The following MRS2 variants were observed in gnomAD, a reference collection of about 807,000 sequenced individuals.
MRS2 encodes magnesium transporter MRS2 homolog, mitochondrial.
Under a neutral mutation model 52.6 loss-of-function variants are expected in MRS2, and 40 were observed. That is an observed-to-expected ratio of 0.76 (90% CI 0.59 to 0.99). The LOEUF (loss-of-function observed/expected upper bound fraction) is 0.99, where lower values mean the gene tolerates loss of function less well. Among genes scored for constraint, MRS2 ranks in the 50% least tolerant of loss-of-function variants. The pLI, the probability that MRS2 is intolerant of heterozygous loss-of-function variation, is 0.00. For missense variants in MRS2, 472 were observed against 532.7 expected (o/e 0.89, Z 1.12); for synonymous variants, 193 against 195.9 (o/e 0.98, Z 0.13).
chr6:24,418,453 C>T lies in MRS2; in HGVS notation c.990-8C>T. 1 of 1,613,756 alleles carries T rather than the reference C, an allele frequency of 6.2e-7. No individual in the cohort carries two copies. The highest frequency in any genetic ancestry group is 8.5e-7 in the Non-Finnish European group (1 of 1,179,956). On this transcript the variant is annotated splice_region_variant and splice_polypyrimidine_tract_variant and intron_variant, in intron 8 of 10. Transcript: ENST00000378386. ...CCTTCTAATCTGAATAGGTGTTCTC[C>T]TCTCCAGCCACCGAAACGTGATGAT...
chr6:24,408,554 G>A, intron 3 of MRS2, 110 bp downstream of exon 3: 1 of 753,698 alleles, frequency 1.3e-6, no homozygotes, highest in Non-Finnish European at 2.3e-6. Flanking sequence ...ATACAGGTGT[G>A]TTGAAAGAGA....
chr6:24,422,807 T>TG (rs1762092237), intron 9 of MRS2, 130 bp from the exon 10 acceptor site: 4 of 537,044 alleles, frequency 7.4e-6, no homozygotes, highest in Middle Eastern at 5.2e-4. Flanking sequence ...CTTGTTTTTC[T>TG]TAGTTCCTTT....
chr6:24,409,295 G>T (rs945854788), intron 3 of MRS2, among the ~76,000 whole-genome samples, 166 bp from the exon 4 acceptor site: 1 of 152,162 alleles, frequency 6.6e-6, no homozygotes, highest in Non-Finnish European at 1.5e-5. Context: ...TATTTAGCCC[G>T]AGTATGTTTT....
At chr6:24,423,556 C>G (rs199504969) in intron 10 of MRS2, 28 bp from the exon 11 acceptor site, 1 of 1,331,264 alleles carries the variant, frequency 7.5e-7, no homozygotes, top group Non-Finnish European at 1.1e-6. Flanking sequence ...AAAAAAGATA[C>G]TAAAATTAAT....
intron 2 of MRS2, among the ~76,000 whole-genome samples, chr6:24,408,123 T>C (rs1761534605): frequency 2.0e-5 from 3 of 152,182 alleles, no homozygotes; most frequent in South Asian, 4.2e-4. Flanking sequence ...GATTGTTACC[T>C]AGTAACAACA....
At chr6:24,416,328 A>G in intron 6 of MRS2, 69 bp from the exon 7 acceptor site, 1 of 691,414 alleles carries the variant, frequency 1.4e-6, no homozygotes, top group Non-Finnish European at 2.6e-6. Flanking sequence ...AGATACTCTA[A>G]AAACACTATT....
At chr6:24,420,521 G>A (rs1170915970) in intron 9 of MRS2, among the ~76,000 whole-genome samples, 1 of 152,148 alleles carries the variant, frequency 6.6e-6, no homozygotes, top group Non-Finnish European at 1.5e-5. Flanking sequence ...CACTGCTTTA[G>A]GCCCATTTAG....
Position 24,405,229 on chromosome 6 carries a change from A to G in MRS2, c.252A>G (p.Pro84=), listed in dbSNP as rs1305239234. Residue 84 remains proline (P), a synonymous_variant, in exon 2 of 11, where the codon CCA becomes CCG. Transcript: ENST00000378386. ...AAGCCACTTTAGCCAGTGTAGCCCC[A>G]GTATTTACTGTGGTGAGTATGTACA... ...VSQATLASVA[P]VFTVTKFDKQ... 3.7e-6 allele frequency: 6 copies of G among 1,613,100 alleles called. No homozygotes were observed. In the African/African-American group the frequency reaches 6.7e-5, roughly 18 times the overall value.
At chr6:24,403,780 C>A (rs1370749849) in intron 1 of MRS2, among the ~76,000 whole-genome samples, 1 of 152,090 alleles carries the variant, frequency 6.6e-6, no homozygotes, top group African/African-American at 2.4e-5. Context: ...ATTAATACTT[C>A]CCTGTTTTCT....
At chr6:24,406,061 T>A (rs1023017409) in intron 2 of MRS2, among the ~76,000 whole-genome samples, 7 of 143,208 alleles carry the variant, frequency 4.9e-5, no homozygotes, top group Non-Finnish European at 1.0e-4. Flanking sequence ...GCCTGGATCA[T>A]GCCACTGCAC....
At chr6:24,411,406 T>C (rs1010772651) in intron 4 of MRS2, among the ~76,000 whole-genome samples, 1 of 152,222 alleles carries the variant, frequency 6.6e-6, no homozygotes, top group African/African-American at 2.4e-5. Context: ...TTTGTTTATA[T>C]GCTTTAGTGG....
At chr6:24,419,869 T>C (rs1761984189) in intron 9 of MRS2, among the ~76,000 whole-genome samples, 1 of 152,180 alleles carries the variant, frequency 6.6e-6, no homozygotes, top group African/African-American at 2.4e-5. Context: ...CTGACTGTGT[T>C]TTCACAGAAT....
At chr6:24,415,196 G>T in intron 6 of MRS2, 33 bp downstream of exon 6, 1 of 1,489,178 alleles carries the variant, frequency 6.7e-7, no homozygotes, top group East Asian at 2.3e-5. Flanking sequence ...ATTGGGAGTT[G>T]GAGACAAATA....
intron 10 of MRS2, 175 bp from the exon 11 acceptor site, chr6:24,423,407 GAT>G (rs1303770608): frequency 2.0e-6 from 1 of 491,848 alleles, no homozygotes; most frequent in African/African-American, 1.9e-5. Context: ...GTTCTTAAAA[GAT>G]AGAAAATTCA....
intron 9 of MRS2, among the ~76,000 whole-genome samples, chr6:24,419,904 T>G (rs895203537): frequency 6.6e-6 from 1 of 152,218 alleles, no homozygotes; most frequent in Non-Finnish European, 1.5e-5. Context: ...TTTCTAGAAC[T>G]GAACCTGGAT....
chr6:24,403,331 C>T (rs76431798), intron 1 of MRS2, 95 bp downstream of exon 1: 180,943 of 1,264,838 alleles, frequency 0.14, 13,950 homozygotes, highest in Middle Eastern at 0.16. Context: ...CCTGTTGCTC[C>T]GCGCCCTCCG....
intron 9 of MRS2, chr6:24,418,904 A>T (rs7750377): frequency 0.32 from 55,825 of 172,574 alleles, 10,188 homozygotes; most frequent in East Asian, 0.62. Flanking sequence ...GTCTCCAAAA[A>T]AAAAGATTGG....
At chr6:24,419,490 G>A (rs758801635) in intron 9 of MRS2, among the ~76,000 whole-genome samples, 1 of 152,072 alleles carries the variant, frequency 6.6e-6, no homozygotes, top group African/African-American at 2.4e-5. Context: ...CGTACCAGGC[G>A]GTTTGCATAC....
intron 2 of MRS2, among the ~76,000 whole-genome samples, chr6:24,405,593 T>C (rs1262915703): frequency 6.6e-6 from 1 of 151,634 alleles, no homozygotes; most frequent in African/African-American, 2.4e-5. Flanking sequence ...AAGGTCATGA[T>C]CTCTAACTTT....
Sources: allele counts gnomAD v4.1 joint callset (sites outside exome capture counted in the v4.1 genomes callset), GRCh38; gene constraint gnomAD v4.1.1; transcripts MANE v1.5; gene names NCBI Gene and HGNC (gene_info 2026-07-23, HGNC 2026-07-21).